GPC6: variants seen among roughly 807,000 people sequenced by gnomAD.
GPC6 encodes glypican 6.
In GPC6, 14 loss-of-function variants were observed where a neutral mutation model predicts 55.2. The ratio of observed to expected loss-of-function variants is 0.25; its 90% confidence interval spans 0.17 to 0.40. GPC6 has a LOEUF of 0.40. Ranked by LOEUF, GPC6 falls within the 10% of genes least tolerant of loss-of-function variation. The pLI is 1.00. For synonymous variants in GPC6, 278 were observed against 259.6 expected (o/e 1.07, Z -0.68); for missense variants, 641 against 708.5 (o/e 0.90, Z 1.08).
chr13:93,295,608 G>A (rs1335732590), intron 1 of GPC6, among the ~76,000 whole-genome samples: 2 of 151,994 alleles, frequency 1.3e-5, no homozygotes, highest in East Asian at 3.9e-4. Context: ...AGCCTCCCAA[G>A]TAGCTGGGAC....
Position 94,254,733 on chromosome 13 carries a change from G to A in GPC6, c.878-31616G>A, listed in dbSNP as rs996379025. ...AAAAATCTCTTTTTTGGCCCAGAAA[G>A]TACAAAATTCTTAGCTCAAATTTTA... On this transcript the variant is annotated intron_variant, in intron 4 of 8. Coordinates refer to ENST00000377047, the MANE Select transcript of GPC6 (RefSeq NM_005708.5). Among the ~76,000 whole-genome samples, 18 of 151,762 alleles carry A rather than the reference G, an allele frequency of 1.2e-4. 1 individual carries two copies. The highest frequency in any genetic ancestry group is 4.4e-4 in the African/African-American group (18 of 41,344).
At chr13:93,958,149 T>C (rs1879595240) in intron 3 of GPC6, among the ~76,000 whole-genome samples, 2 of 152,322 alleles carry the variant, frequency 1.3e-5, no homozygotes, top group South Asian at 4.1e-4. Flanking sequence ...AAATATTTTC[T>C]CCCATTCTGT....
chr13:93,657,258 G>A (rs532386244), intron 2 of GPC6, among the ~76,000 whole-genome samples: 1 of 151,974 alleles, frequency 6.6e-6, no homozygotes, highest in East Asian at 1.9e-4. Flanking sequence ...TAAACATATA[G>A]ACCAATGGAA....
intron 3 of GPC6, among the ~76,000 whole-genome samples, chr13:93,976,214 T>G (rs1210629946): frequency 1.3e-5 from 2 of 152,124 alleles, no homozygotes; most frequent in Non-Finnish European, 2.9e-5. Context: ...AGTATATTAG[T>G]GTTCATTCAT....
chr13:94,253,053 C>T (rs1406498316), intron 4 of GPC6, among the ~76,000 whole-genome samples: 2 of 151,966 alleles, frequency 1.3e-5, no homozygotes, highest in African/African-American at 4.8e-5. Context: ...CAAGGGAATT[C>T]AGCGATTCTT....
chr13:94,273,744 A>G (rs1358522176), intron 4 of GPC6, among the ~76,000 whole-genome samples: 1 of 152,188 alleles, frequency 6.6e-6, no homozygotes, highest in Non-Finnish European at 1.5e-5. Context: ...AAATTAATCC[A>G]CTAGCTACGA....
chr13:93,252,755 A>G (rs994234905), intron 1 of GPC6, among the ~76,000 whole-genome samples: 4 of 152,212 alleles, frequency 2.6e-5, no homozygotes, highest in Non-Finnish European at 5.9e-5. Context: ...CACAGTAGGT[A>G]CTCAATAAAT....
chr13:94,194,694 A>T (rs943021302), intron 4 of GPC6, among the ~76,000 whole-genome samples: 1 of 152,158 alleles, frequency 6.6e-6, no homozygotes, highest in African/African-American at 2.4e-5. Flanking sequence ...CTCACAAATC[A>T]CCACTAAAGA....
chr13:93,312,700 A>G (rs1879114954), intron 1 of GPC6, among the ~76,000 whole-genome samples: 1 of 152,204 alleles, frequency 6.6e-6, no homozygotes, highest in South Asian at 2.1e-4. Flanking sequence ...AGCATGGCCA[A>G]TTAAATGAAG....
At chr13:93,353,656 G>A (rs558735904) in intron 1 of GPC6, among the ~76,000 whole-genome samples, 38 of 152,310 alleles carry the variant, frequency 2.5e-4, no homozygotes, top group Non-Finnish European at 4.9e-4. Context: ...CTAGATTTAT[G>A]CCTTGGTGAA....
At chr13:94,270,508 C>A (rs1419912645) in intron 4 of GPC6, among the ~76,000 whole-genome samples, 1 of 152,148 alleles carries the variant, frequency 6.6e-6, no homozygotes, top group Non-Finnish European at 1.5e-5. Flanking sequence ...AATATTGTGC[C>A]TATTAGAGTT....
At chr13:93,905,097 A>G (rs201299064) in intron 3 of GPC6, among the ~76,000 whole-genome samples, 3 of 144,524 alleles carry the variant, frequency 2.1e-5, no homozygotes, top group African/African-American at 2.6e-5. Flanking sequence ...TTTTTTTGAA[A>G]GGGGGTGCTT....
intron 4 of GPC6, among the ~76,000 whole-genome samples, chr13:94,236,721 C>T (rs899161820): frequency 2.0e-5 from 3 of 152,028 alleles, no homozygotes; most frequent in African/African-American, 7.2e-5. Context: ...ACAAGTATTT[C>T]CTTTATTTTC....
intron 1 of GPC6, among the ~76,000 whole-genome samples, chr13:93,232,145 A>C (rs922909445): frequency 6.6e-6 from 1 of 151,998 alleles, no homozygotes; most frequent in Non-Finnish European, 1.5e-5. Context: ...CATTAACTTA[A>C]ATGGAAAACA....
chr13:93,977,238 T>TA (rs1207057285), intron 3 of GPC6, among the ~76,000 whole-genome samples: 1 of 152,162 alleles, frequency 6.6e-6, no homozygotes, highest in African/African-American at 2.4e-5. Flanking sequence ...TCCATTATTT[T>TA]AAAAACATGA....
intron 4 of GPC6, among the ~76,000 whole-genome samples, chr13:94,231,023 A>T (rs1594080465): frequency 6.6e-6 from 1 of 152,160 alleles, no homozygotes; most frequent in Non-Finnish European, 1.5e-5. Context: ...TAGCTACATT[A>T]AAAAGAATGT....
chr13:93,781,009 G>C lies in GPC6; in HGVS notation c.320-49145G>C, dbSNP rs61962142. 2.5e-3 allele frequency among the ~76,000 whole-genome samples: 375 copies of C among 152,238 alleles called. 3 individuals are homozygous for C. Among genetic ancestry groups the C allele is most frequent in the Non-Finnish European group, 4.2e-3 (283 of 68,000 alleles). On this transcript the variant is annotated intron_variant, in intron 2 of 8. Transcript: ENST00000377047. ...AAATATATAATTGGCCGGGTGCGGT[G>C]GCTCATGCCTGTAATCCCAGCACTT...
At position 94,406,820 on chromosome 13, in the gene GPC6, T is replaced by C. The variant is rs1881387227; in HGVS notation, c.*3603T>C. The C allele has an allele frequency of 6.6e-6, 1 of 152,262 alleles. No homozygotes were observed. Among genetic ancestry groups the C allele is most frequent in the East Asian group, 1.9e-4 (1 of 5,186 alleles). 9.4% of individuals were successfully genotyped at this position (152,262 alleles called of 1,614,324 possible). A position where few individuals can be genotyped will look rare whatever the true frequency, so the allele number is the denominator to read the frequency against. On this transcript the variant is annotated 3_prime_UTR_variant, in exon 9 of 9. Transcript: ENST00000377047. ...TCTTTTTGCAAAGCTAATTATCAAA[T>C]GATTTGATTAAACCTAGACGCATTA...
At chr13:94,357,382 C>A (rs1301326457) in intron 6 of GPC6, among the ~76,000 whole-genome samples, 2 of 152,198 alleles carry the variant, frequency 1.3e-5, no homozygotes, top group African/African-American at 4.8e-5. Context: ...GTGGGAGCTT[C>A]TCCCTAGAGC....
Sources: allele counts gnomAD v4.1 joint callset (sites outside exome capture counted in the v4.1 genomes callset), GRCh38; gene constraint gnomAD v4.1.1; transcripts MANE v1.5; gene names NCBI Gene and HGNC (gene_info 2026-07-23, HGNC 2026-07-21).